MSI2: variants seen among roughly 807,000 people sequenced by gnomAD.
The protein encoded by MSI2 is RNA-binding protein Musashi homolog 2.
Under a neutral mutation model 45.6 loss-of-function variants are expected in MSI2, and 17 were observed. The ratio of observed to expected loss-of-function variants is 0.37; its 90% CI spans 0.26 to 0.56. MSI2 has a LOEUF of 0.56. Ranked by LOEUF, MSI2 falls within the 20% of genes least tolerant of loss-of-function variation. The pLI, the probability that MSI2 is intolerant of heterozygous loss-of-function variation, is 0.77. For missense variants in MSI2, 293 were observed against 444.2 expected (o/e 0.66, Z 3.06); for synonymous variants, 156 against 158.2 (o/e 0.99, Z 0.11).
intron 9 of MSI2, among the ~76,000 whole-genome samples, chr17:57,619,317 T>C (rs1908050748): frequency 6.6e-6 from 1 of 152,202 alleles, no homozygotes; most frequent in Non-Finnish European, 1.5e-5. Context: ...GACACAGTGC[T>C]TCACAAGCAG....
chr17:57,619,389 T>C (rs1342574403), intron 9 of MSI2, among the ~76,000 whole-genome samples: 2 of 152,164 alleles, frequency 1.3e-5, no homozygotes, highest in Non-Finnish European at 2.9e-5. Context: ...GTAACATGAA[T>C]TGCACAGATG....
chr17:57,415,015 T>G (rs1380943006), intron 6 of MSI2, among the ~76,000 whole-genome samples: 1 of 152,116 alleles, frequency 6.6e-6, no homozygotes, highest in East Asian at 1.9e-4. Context: ...CTGTCTTTGG[T>G]CTAAGAAAAG....
intron 7 of MSI2, among the ~76,000 whole-genome samples, chr17:57,551,232 T>C (rs1217678107): frequency 6.6e-6 from 1 of 152,102 alleles, no homozygotes; most frequent in Non-Finnish European, 1.5e-5. Context: ...AAAGGAGCAA[T>C]ATTATGTCTC....
rs2085241127 is a variant in MSI2 at position 57,462,061 on chromosome 17, C to G, written c.405+60590C>G. On this transcript the variant is annotated intron_variant, in intron 6 of 13. Coordinates refer to ENST00000284073, the MANE Select transcript of MSI2 (RefSeq NM_138962.4). ...GGGCAGGGTTGGTTCCTGCTGAGGG[C>G]TCTGAGGGACAGTCTGTCCCAGGCC... Among the ~76,000 whole-genome samples, 3 of 152,280 alleles carry G rather than the reference C, an allele frequency of 2.0e-5. No homozygotes were observed. The South Asian group carries it at 6.2e-4, about 32-fold the overall frequency.
chr17:57,543,412 A>G (rs2087095856), intron 7 of MSI2, among the ~76,000 whole-genome samples: 1 of 152,218 alleles, frequency 6.6e-6, no homozygotes, highest in Non-Finnish European at 1.5e-5. Flanking sequence ...GCCTGGTTGC[A>G]GCCCTGGAAG....
intron 7 of MSI2, among the ~76,000 whole-genome samples, chr17:57,582,390 T>C (rs945212580): frequency 6.6e-6 from 1 of 152,146 alleles, no homozygotes. Context: ...AATAGGACTA[T>C]AATAGGATAC....
chr17:57,451,747 T>C (rs1335320109), intron 6 of MSI2, among the ~76,000 whole-genome samples: 1 of 152,320 alleles, frequency 6.6e-6, no homozygotes, highest in Non-Finnish European at 1.5e-5. Flanking sequence ...GATTCAGGAA[T>C]AGTAGCGAGA....
intron 7 of MSI2, among the ~76,000 whole-genome samples, chr17:57,590,104 A>C (rs17761974): frequency 0.16 from 23,887 of 152,222 alleles, 2,102 homozygotes; most frequent in African/African-American, 0.23. Flanking sequence ...GATACCCAGA[A>C]TAAATTTGAC....
At chr17:57,645,160 GAC>G (rs1305343827) in intron 10 of MSI2, among the ~76,000 whole-genome samples, 1 of 152,130 alleles carries the variant, frequency 6.6e-6, no homozygotes, top group Admixed American at 6.5e-5. Context: ...GCCTTTAAAA[GAC>G]ACAGAGACCC....
intron 5 of MSI2, among the ~76,000 whole-genome samples, chr17:57,370,031 C>G (rs2047595045): frequency 6.6e-6 from 1 of 152,222 alleles, no homozygotes; most frequent in Non-Finnish European, 1.5e-5. Context: ...AATTAAAAAT[C>G]AAACACCTTA....
intron 6 of MSI2, among the ~76,000 whole-genome samples, chr17:57,507,890 C>T (rs1029299357): frequency 9.2e-5 from 14 of 151,886 alleles, no homozygotes; most frequent in Admixed American, 9.2e-4. Flanking sequence ...AAGCGATCCT[C>T]CCACCTCAGC....
chr17:57,304,577 C>T (rs562906479), intron 5 of MSI2, among the ~76,000 whole-genome samples: 7 of 151,692 alleles, frequency 4.6e-5, no homozygotes, highest in Admixed American at 4.6e-4. Context: ...CGCCTACCAG[C>T]ACGCCCAGCT....
intron 9 of MSI2, among the ~76,000 whole-genome samples, chr17:57,624,632 C>G (rs1022557352): frequency 1.3e-5 from 2 of 152,100 alleles, no homozygotes; most frequent in African/African-American, 4.8e-5. Context: ...AATGAGTCAC[C>G]AAGCACCGGG....
chr17:57,663,081 C>A (rs1227895925), intron 11 of MSI2, among the ~76,000 whole-genome samples: 1 of 152,176 alleles, frequency 6.6e-6, no homozygotes, highest in Admixed American at 6.5e-5. Context: ...AGGACCGCTT[C>A]TGGAAGGTCG....
chr17:57,652,114 C>T lies in MSI2; in HGVS notation c.743C>T (p.Ala248Val), dbSNP rs1471529473. 3 of 1,614,136 alleles carry T rather than the reference C, an allele frequency of 1.9e-6. No homozygotes were observed. The highest frequency in any genetic ancestry group is 2.2e-5 in the South Asian group (2 of 91,082). The change falls in exon 11 of 14, where the codon GCT becomes GTT. Residue 248 changes from alanine to valine, a missense_variant. Ala to Val is a moderately conservative substitution (Grantham distance 64). Transcript: ENST00000284073. This position sits in a 1 kb window ranked among gnomAD's most constrained non-coding sequence, Gnocchi z 4.1. Reference protein sequence around the residue: ...GYQFPGFPAAAYGPVAAAAVA... With the variant: ...GYQFPGFPAAVYGPVAAAAVA... ...TCCTGACCAGGCTTCCCAGCAGCGG[C>T]TTATGGACCAGTGGCAGCAGCGGCG...
At chr17:57,660,354 CT>C (rs1911903128) in intron 11 of MSI2, among the ~76,000 whole-genome samples, 1 of 152,186 alleles carries the variant, frequency 6.6e-6, no homozygotes, top group Non-Finnish European at 1.5e-5. Context: ...GATCCACCCC[CT>C]CTAAACCGAA....
intron 6 of MSI2, among the ~76,000 whole-genome samples, chr17:57,461,639 G>A (rs1211082802): frequency 1.3e-5 from 2 of 151,628 alleles, no homozygotes; most frequent in Admixed American, 6.6e-5. Context: ...GGGTTCAAGC[G>A]ATTCTCCTGC....
chr17:57,657,463 C>G (rs1911681356), intron 11 of MSI2, among the ~76,000 whole-genome samples: 2 of 152,210 alleles, frequency 1.3e-5, no homozygotes, highest in African/African-American at 4.8e-5. Context: ...TCCCCTCCCA[C>G]TGGCCTAAAT....
chr17:57,411,307 G>A (rs1031274020), intron 6 of MSI2, among the ~76,000 whole-genome samples: 10 of 152,136 alleles, frequency 6.6e-5, no homozygotes, highest in African/African-American at 2.2e-4. Context: ...ACACTCAGCC[G>A]ATTTTTATTC....
Sources: allele counts gnomAD v4.1 joint callset (sites outside exome capture counted in the v4.1 genomes callset), GRCh38; gene constraint gnomAD v4.1.1; non-coding constraint Gnocchi (gnomAD v3.1); transcripts MANE v1.5; gene names NCBI Gene and HGNC (gene_info 2026-07-23, HGNC 2026-07-21).